The following CLEC16A variants were observed in gnomAD, a reference collection of about 807,000 sequenced individuals.
The protein encoded by CLEC16A is protein CLEC16A.
CLEC16A carries 51 observed loss-of-function variants against 109.5 expected under a neutral mutation model. The observed-to-expected ratio is 0.47, with a 90% confidence interval of 0.37 to 0.59. The LOEUF (loss-of-function observed/expected upper bound fraction) is 0.59. Ranked by LOEUF, CLEC16A falls within the 20% of genes least tolerant of loss-of-function variation. The pLI, the probability that CLEC16A is intolerant of heterozygous loss-of-function variation, is 0.00. For missense variants in CLEC16A, 1,339 were observed against 1,394.0 expected, an observed-to-expected ratio of 0.96 and a Z score of 0.63; for synonymous variants, 673 against 564.2, an observed-to-expected ratio of 1.19 and a Z score of -2.73.
intron 11 of CLEC16A, among the ~76,000 whole-genome samples, chr16:11,016,107 A>G (rs902932593): frequency 1.3e-5 from 2 of 152,078 alleles, no homozygotes; most frequent in Non-Finnish European, 2.9e-5. Flanking sequence ...TGATCATGCT[A>G]GTATTATGGA....
intron 22 of CLEC16A, among the ~76,000 whole-genome samples, chr16:11,140,476 A>G (rs1020000657): frequency 6.6e-6 from 1 of 152,234 alleles, no homozygotes; most frequent in African/African-American, 2.4e-5. Context: ...GGAAATGTCC[A>G]CGGGCTCAGC....
intron 14 of CLEC16A, chr16:11,040,516 T>TTTTTTC (rs2047272835): frequency 7.4e-6 from 1 of 134,608 alleles, no homozygotes; most frequent in African/African-American, 2.9e-5. Flanking sequence ...TTTCTTTTCT[T>TTTTTTC]TTTTTTTTTT....
At chr16:11,125,084 G>A (rs2052708694) in intron 21 of CLEC16A, among the ~76,000 whole-genome samples, 1 of 152,136 alleles carries the variant, frequency 6.6e-6, no homozygotes, top group Non-Finnish European at 1.5e-5. Context: ...GTGAGACCCT[G>A]TCTCAAAATA....
intron 20 of CLEC16A, among the ~76,000 whole-genome samples, chr16:11,122,043 C>G (rs1157940368): frequency 6.6e-6 from 1 of 152,142 alleles, no homozygotes; most frequent in African/African-American, 2.4e-5. Context: ...ACACTTCAGG[C>G]CTGAACTTTG....
intron 1 of CLEC16A, among the ~76,000 whole-genome samples, chr16:10,949,173 C>T (rs2041593809): frequency 1.3e-5 from 2 of 152,214 alleles, no homozygotes; most frequent in African/African-American, 2.4e-5. Flanking sequence ...CAGACGCACA[C>T]CTACTCTTGG....
chr16:11,037,594 CCT>C (rs1382931226), intron 13 of CLEC16A, among the ~76,000 whole-genome samples: 6 of 152,164 alleles, frequency 3.9e-5, no homozygotes, highest in African/African-American at 1.4e-4. Flanking sequence ...ACAAAATGGA[CCT>C]CTCTCTGGAA....
intron 19 of CLEC16A, among the ~76,000 whole-genome samples, chr16:11,117,864 T>C (rs1244133197): frequency 6.6e-6 from 1 of 152,252 alleles, no homozygotes; most frequent in African/African-American, 2.4e-5. Flanking sequence ...GGCAGAGGAT[T>C]GCATACAGCG....
intron 1 of CLEC16A, among the ~76,000 whole-genome samples, chr16:10,946,855 A>G (rs2041407001): frequency 6.6e-6 from 1 of 152,350 alleles, no homozygotes; most frequent in Non-Finnish European, 1.5e-5. Context: ...AGGGGGCTTC[A>G]GTGACTTGCC....
chr16:11,135,954 C>G (rs2053536066), intron 22 of CLEC16A: 1 of 152,352 alleles, frequency 6.6e-6, no homozygotes, highest in Non-Finnish European at 1.5e-5. Flanking sequence ...CTGGAAGACA[C>G]CAAGAAAAGA....
chr16:10,991,705 T>C (rs1036092871), intron 10 of CLEC16A, among the ~76,000 whole-genome samples: 4 of 152,214 alleles, frequency 2.6e-5, no homozygotes, highest in Non-Finnish European at 1.5e-5. Context: ...CAAGTCTCGG[T>C]ACGGGAATCA....
intron 10 of CLEC16A, among the ~76,000 whole-genome samples, chr16:10,987,162 C>T (rs553158481): frequency 2.4e-4 from 36 of 151,800 alleles, no homozygotes; most frequent in African/African-American, 8.7e-4. Flanking sequence ...AGCTTTTATG[C>T]AGTTTTTTTT....
chr16:11,017,646 A>G (rs951409214), intron 11 of CLEC16A, among the ~76,000 whole-genome samples: 9 of 152,180 alleles, frequency 5.9e-5, no homozygotes, highest in Non-Finnish European at 1.3e-4. Context: ...GGAGATTAAC[A>G]TCAACAGTTA....
At chr16:11,003,699 C>T (rs565990582) in intron 11 of CLEC16A, among the ~76,000 whole-genome samples, 3 of 152,224 alleles carry the variant, frequency 2.0e-5, no homozygotes, top group East Asian at 1.9e-4. Flanking sequence ...CAGAAGTGTT[C>T]GTCATTATTA....
At chr16:10,982,599 T>G (rs567510517) in intron 9 of CLEC16A, among the ~76,000 whole-genome samples, 1 of 152,326 alleles carries the variant, frequency 6.6e-6, no homozygotes, top group East Asian at 1.9e-4. Context: ...TCAGCCGGAT[T>G]TGGCTTCACC....
chr16:11,133,406 G>A (rs1053971864), intron 22 of CLEC16A, among the ~76,000 whole-genome samples: 1 of 151,726 alleles, frequency 6.6e-6, no homozygotes, highest in Non-Finnish European at 1.5e-5. Flanking sequence ...TTTCACCGGT[G>A]TTATCTTTAT....
rs143195059 is a variant in CLEC16A, at chr16:10,972,485, C to T, written c.599-69C>T. The T allele has an allele frequency of 5.0e-5, 75 of 1,493,666 alleles. No homozygotes were observed. In the African/African-American group the frequency reaches 9.9e-4, roughly 20 times the overall value. 92.5% of individuals were successfully genotyped at this position (1,493,666 alleles called of 1,614,324 possible). On this transcript the variant is annotated intron_variant, in intron 5 of 23. Coordinates refer to ENST00000409790, the MANE Select transcript of CLEC16A (RefSeq NM_015226.3). ...AGCAGCTCTCTCACCTTCCCAGGTC[C>T]TAACCCTGTTAACTGTTGTCTGTTT...
intron 21 of CLEC16A, 52 bp downstream of exon 21, chr16:11,123,998 G>A (rs2052619929): frequency 6.6e-7 from 1 of 1,515,064 alleles, no homozygotes; most frequent in Non-Finnish European, 9.0e-7. Flanking sequence ...GTGGGTCAGG[G>A]CTGTTTGTAG....
rs1307003872 is a variant in CLEC16A at position 10,999,147 on chromosome 16, G to A, written c.1072-3927G>A. 2.0e-5 allele frequency among the ~76,000 whole-genome samples: 3 copies of A among 152,064 alleles called. No individual in the cohort carries two copies. In the South Asian group the frequency reaches 6.2e-4, roughly 32 times the overall value. On this transcript the variant is annotated intron_variant, in intron 10 of 23. Transcript: ENST00000409790. ...AGACAGGGTCTCACTGTGTGGCCCC[G>A]GCTGGTCTTGAACTACTGGGCTCAA...
intron 10 of CLEC16A, among the ~76,000 whole-genome samples, chr16:10,991,952 C>G (rs1431757841): frequency 6.6e-6 from 1 of 152,160 alleles, no homozygotes; most frequent in African/African-American, 2.4e-5. Context: ...CAGTGCAGCT[C>G]TCATCCCTGG....
Sources: allele counts gnomAD v4.1 joint callset (sites outside exome capture counted in the v4.1 genomes callset), GRCh38; gene constraint gnomAD v4.1.1; transcripts MANE v1.5; gene names NCBI Gene and HGNC (gene_info 2026-07-23, HGNC 2026-07-21).